The following ZNF813 variants were observed in gnomAD, a reference collection of about 807,000 sequenced individuals.
ZNF813 encodes zinc finger protein 813.
ZNF813 carries 3 observed loss-of-function variants against 7.2 expected under a neutral mutation model. The ratio of observed to expected loss-of-function variants is 0.42; its 90% CI spans 0.19 to 1.08. The LOEUF (loss-of-function observed/expected upper bound fraction) is 1.08. Among genes scored for constraint, ZNF813 ranks in the 50% least tolerant of loss-of-function variants. ZNF813 has a pLI of 0.30. For missense variants in ZNF813, 714 were observed against 753.3 expected (o/e 0.95, Z 0.61); for synonymous variants, 227 against 256.3 (o/e 0.89, Z 1.09).
chr19:53,479,101 A>G (rs1001135957), intron 1 of ZNF813, among the ~76,000 whole-genome samples: 3 of 151,830 alleles, frequency 2.0e-5, no homozygotes, highest in African/African-American at 7.3e-5. Context: ...CACCAGGCCA[A>G]TTTTTGTACT....
In ZNF813 at chr19:53,491,397, G is replaced by A. The variant is rs1284728097; in HGVS notation, c.1165G>A (p.Gly389Ser). 7 of 1,613,556 alleles carry A rather than the reference G, an allele frequency of 4.3e-6. No homozygotes were observed. In the African/African-American group the frequency reaches 8.0e-5, roughly 18 times the overall value. Residue 389 changes from glycine to serine, a missense_variant, in exon 4 of 4, where the codon GGC (glycine) becomes AGC (serine). Physicochemically the swap from Gly to Ser is moderately conservative, Grantham distance 56 (BLOSUM62 0). Transcript: ENST00000396403. ...GAAACCTTATAAGTGTAATGAATGT[G>A]GCAAGACCTTCAGTCAGGAGTTAAC... The part of the protein sequence containing the change: ...GEKPYKCNEC[G>S]KTFSQELTLK...
intron 1 of ZNF813, among the ~76,000 whole-genome samples, chr19:53,474,050 C>T (rs1334395958): frequency 2.6e-5 from 4 of 152,176 alleles, no homozygotes; most frequent in Non-Finnish European, 5.9e-5. Flanking sequence ...TTAAATCTTG[C>T]ACTATTTCAG....
At position 53,492,317 on chromosome 19, in the gene ZNF813, T is replaced by C; in HGVS notation, c.*231T>C. The C allele has an allele frequency of 1.4e-6, 1 of 712,374 alleles. No homozygotes were observed. Among genetic ancestry groups the C allele is most frequent in the Non-Finnish European group, 2.4e-6 (1 of 423,738 alleles). The allele number at this position is 712,374 out of a possible 1,614,324, so 44.1% of individuals were successfully genotyped here. A position where few individuals can be genotyped will look rare whatever the true frequency, so the allele number is the denominator to read the frequency against. On this transcript the variant is annotated 3_prime_UTR_variant, in exon 4 of 4. Coordinates refer to ENST00000396403, the MANE Select transcript of ZNF813 (RefSeq NM_001004301.4). ...AGAAATGTGAAGCATGTGACAAAGTTTACAGTGGCAAATCGAGCCTCAAAA... is the reference window on the plus strand; with the variant it reads ...AGAAATGTGAAGCATGTGACAAAGTCTACAGTGGCAAATCGAGCCTCAAAA...
intron 1 of ZNF813, among the ~76,000 whole-genome samples, chr19:53,469,824 G>C (rs545833434): frequency 5.9e-5 from 9 of 151,464 alleles, no homozygotes; most frequent in Non-Finnish European, 1.2e-4. Flanking sequence ...AGGGAAGAGA[G>C]AATTTAACGG....
At chr19:53,479,918 C>T (rs62115423) in intron 1 of ZNF813, 55,309 of 851,706 alleles carry the variant, frequency 0.065, 1,345 homozygotes, top group East Asian at 0.13. Context: ...GATGAAGATT[C>T]TTACTGATAA....
chr19:53,492,315 GT>G lies in ZNF813; in HGVS notation c.*232del. 1.4e-6 allele frequency: 1 copy of G among 705,760 alleles called. No homozygotes were observed. Among genetic ancestry groups the G allele is most frequent in the Non-Finnish European group, 2.4e-6 (1 of 419,528 alleles). The allele number at this position is 705,760 out of a possible 1,614,324, so 43.7% of individuals were successfully genotyped here. On this transcript the variant is annotated 3_prime_UTR_variant, in exon 4 of 4. Transcript: ENST00000396403. ...TTAGAAATGTGAAGCATGTGACAAA[GT>G]TTACAGTGGCAAATCGAGCCTCAAA...
chr19:53,480,560 T>G (rs964732764), intron 1 of ZNF813, among the ~76,000 whole-genome samples: 1 of 152,194 alleles, frequency 6.6e-6, no homozygotes. Flanking sequence ...AAGGTCTGCA[T>G]GCTTTCTAGT....
intron 1 of ZNF813, among the ~76,000 whole-genome samples, chr19:53,477,037 A>G (rs2086385449): frequency 6.6e-6 from 1 of 152,148 alleles, no homozygotes; most frequent in South Asian, 2.1e-4. Flanking sequence ...TGAAATGCAA[A>G]GATAGGCTGA....
chr19:53,489,648 C>A (rs560411347), intron 3 of ZNF813, among the ~76,000 whole-genome samples: 1 of 152,190 alleles, frequency 6.6e-6, no homozygotes, highest in East Asian at 1.9e-4. Context: ...TCATAACGTG[C>A]CTTTTCTGCA....
chr19:53,472,375 G>A (rs532425603), intron 1 of ZNF813, among the ~76,000 whole-genome samples: 2 of 152,236 alleles, frequency 1.3e-5, no homozygotes, highest in Admixed American at 1.3e-4. Flanking sequence ...TATACAGGTA[G>A]GTTACCACAG....
intron 1 of ZNF813, among the ~76,000 whole-genome samples, chr19:53,468,148 C>G (rs2086336593): frequency 6.6e-6 from 1 of 151,700 alleles, no homozygotes; most frequent in South Asian, 2.1e-4. Context: ...GGCCCCAGTC[C>G]CGGGAAGGCC....
At chr19:53,473,607 A>G (rs1410460918) in intron 1 of ZNF813, among the ~76,000 whole-genome samples, 1 of 152,170 alleles carries the variant, frequency 6.6e-6, no homozygotes, top group East Asian at 1.9e-4. Context: ...CCCATTCTAT[A>G]TGGGTCTTAG....
intron 1 of ZNF813, among the ~76,000 whole-genome samples, chr19:53,471,634 C>G (rs2086359394): frequency 6.6e-6 from 1 of 151,612 alleles, no homozygotes; most frequent in African/African-American, 2.4e-5. Context: ...ACGGTGAAAC[C>G]CCGTCTGTAC....
chr19:53,487,515 C>G (rs1048402475), intron 3 of ZNF813, among the ~76,000 whole-genome samples: 4 of 152,180 alleles, frequency 2.6e-5, no homozygotes, highest in Middle Eastern at 6.8e-3. Flanking sequence ...CTCAACCGAT[C>G]CTTGTGCCCC....
intron 1 of ZNF813, among the ~76,000 whole-genome samples, chr19:53,469,748 G>A (rs1355624536): frequency 6.7e-6 from 1 of 149,366 alleles, no homozygotes; most frequent in Non-Finnish European, 1.5e-5. Context: ...AGAACAGAGG[G>A]AGAAGCACAG....
At position 53,483,751 on chromosome 19, in the gene ZNF813, A is replaced by T. The variant is rs2086420215; in HGVS notation, c.-72A>T. 2.5e-6 allele frequency: 4 copies of T among 1,609,048 alleles called. No homozygotes were observed. Among genetic ancestry groups the T allele is most frequent in the Admixed American group, 1.7e-5 (1 of 59,926 alleles). ...AAACAACATATTTCTAACATTCAGG[A>T]TTGACTTCTAAAGACTCTTGGTATG... On this transcript the variant is annotated splice_region_variant and 5_prime_UTR_variant, in exon 2 of 4. Transcript: ENST00000396403.
intron 3 of ZNF813, chr19:53,488,074 G>T: frequency 4.1e-6 from 1 of 246,696 alleles, no homozygotes. Flanking sequence ...GCCCATGCTG[G>T]AGTGCAGTGG....
At chr19:53,480,978 A>G (rs1443214545) in intron 1 of ZNF813, among the ~76,000 whole-genome samples, 1 of 152,224 alleles carries the variant, frequency 6.6e-6, no homozygotes, top group East Asian at 1.9e-4. Flanking sequence ...CTGGAAGCCC[A>G]CACTATTTAT....
chr19:53,467,964 G>C (rs1388697954), intron 1 of ZNF813, among the ~76,000 whole-genome samples, 175 bp downstream of exon 1: 2 of 152,206 alleles, frequency 1.3e-5, no homozygotes, highest in African/African-American at 4.8e-5. Context: ...GTTTAAGGTC[G>C]CCCTGAGGCT....
Sources: gnomAD v4.1 joint callset for allele counts (sites outside exome capture counted in the v4.1 genomes callset) on GRCh38, gnomAD v4.1.1 for gene constraint, MANE v1.5 for transcripts, NCBI Gene and HGNC (gene_info 2026-07-23, HGNC 2026-07-21) for gene names.